The following FAAH2 variants were observed in gnomAD, a reference collection of about 807,000 sequenced individuals.
FAAH2 encodes fatty-acid amide hydrolase 2.
In FAAH2, 60 loss-of-function variants were observed where a neutral mutation model predicts 36.9. That is an observed-to-expected ratio of 1.63 (90% CI 1.32 to 2.02). FAAH2 has a LOEUF of 2.02. FAAH2 is among the 30% of genes most tolerant of loss of function. The pLI, the probability that FAAH2 is intolerant of heterozygous loss-of-function variation, is 0.00. For synonymous variants in FAAH2, 214 were observed against 143.8 expected (o/e 1.49, Z -3.49); for missense variants, 689 against 397.5 (o/e 1.73, Z -6.23).
the FAAH2 span, among the ~76,000 whole-genome samples, chrX:57,155,554 G>T: frequency 8.9e-6 from 1 of 112,099 alleles, no homozygotes; most frequent in Admixed American, 9.4e-5. Context: ...GGGGCGTGCT[G>T]GGCTGAGAAC....
chrX:57,197,439 A>G, the FAAH2 span, among the ~76,000 whole-genome samples: 1 of 111,584 alleles, frequency 9.0e-6, no homozygotes, highest in Non-Finnish European at 1.9e-5. Flanking sequence ...GGGATGTTAA[A>G]GAACTTGCTT....
At chrX:57,162,648 C>T in the FAAH2 span, among the ~76,000 whole-genome samples, 11 of 111,908 alleles carry the variant, frequency 9.8e-5, no homozygotes, top group Admixed American at 5.7e-4. Flanking sequence ...TCCAGTTGAT[C>T]GCATCGGCTC....
chrX:57,459,836 C>A (rs1003368830), intron 10 of FAAH2, among the ~76,000 whole-genome samples: 1 of 111,704 alleles, frequency 9.0e-6, no homozygotes, highest in Non-Finnish European at 1.9e-5. Flanking sequence ...AAACCCCATC[C>A]AAAGGTCACC....
intron 4 of FAAH2, among the ~76,000 whole-genome samples, chrX:57,337,060 G>T (rs918017606): frequency 9.1e-6 from 1 of 110,221 alleles, no homozygotes; most frequent in African/African-American, 3.3e-5. Flanking sequence ...ATGATAAGGG[G>T]TTATTACCAC....
At chrX:57,386,737 G>T (rs1005709219) in intron 7 of FAAH2, among the ~76,000 whole-genome samples, 9 of 111,694 alleles carry the variant, frequency 8.1e-5, no homozygotes, top group Non-Finnish European at 1.7e-4. Flanking sequence ...TGTATGAAAA[G>T]CCAATTTTCC....
At chrX:57,453,681 G>A (rs1224639109) in intron 10 of FAAH2, among the ~76,000 whole-genome samples, 1 of 112,145 alleles carries the variant, frequency 8.9e-6, no homozygotes, top group East Asian at 2.8e-4. Context: ...TTCCAGCCCA[G>A]CATTCCCACA....
chrX:57,283,048 T>A (rs1312801710), upstream of FAAH2, among the ~76,000 whole-genome samples: 1 of 112,085 alleles, frequency 8.9e-6, no homozygotes, highest in Non-Finnish European at 1.9e-5. Flanking sequence ...ACTGGTGCAA[T>A]CAGTCAAGGG....
At chrX:57,279,800 T>C in the FAAH2 span, among the ~76,000 whole-genome samples, 1 of 111,756 alleles carries the variant, frequency 8.9e-6, no homozygotes. Flanking sequence ...CATTCCTTCA[T>C]GTTAAAAGTT....
At chrX:57,326,291 G>A (rs1438037562) in intron 3 of FAAH2, among the ~76,000 whole-genome samples, 1 of 111,143 alleles carries the variant, frequency 9.0e-6, no homozygotes, top group Non-Finnish European at 1.9e-5. Flanking sequence ...AGTGCAATGT[G>A]GTGCTGAGAA....
chrX:57,439,735 G>A (rs2056505245), intron 8 of FAAH2, among the ~76,000 whole-genome samples: 1 of 111,803 alleles, frequency 8.9e-6, no homozygotes, highest in Non-Finnish European at 1.9e-5. Flanking sequence ...ATGGTTTTAG[G>A]TCTAACGTTT....
intron 1 of FAAH2, among the ~76,000 whole-genome samples, chrX:57,289,494 G>A (rs1298833132): frequency 9.0e-6 from 1 of 110,739 alleles, no homozygotes; most frequent in African/African-American, 3.3e-5. Flanking sequence ...TTGATGATCC[G>A]AAAGTCAATG....
chrX:57,377,627 G>T (rs2054719259), intron 5 of FAAH2, among the ~76,000 whole-genome samples: 1 of 111,992 alleles, frequency 8.9e-6, no homozygotes. Flanking sequence ...TTGGCTAAAT[G>T]GGCTCATTTT....
intron 7 of FAAH2, among the ~76,000 whole-genome samples, chrX:57,392,220 A>G (rs1440161914): frequency 9.0e-6 from 1 of 111,202 alleles, no homozygotes; most frequent in Non-Finnish European, 1.9e-5. Context: ...TGTAAAGTCT[A>G]GGTTTTCTAG....
At chrX:57,249,234 C>T in the FAAH2 span, among the ~76,000 whole-genome samples, 1 of 111,622 alleles carries the variant, frequency 9.0e-6, no homozygotes, top group South Asian at 3.7e-4. Context: ...AGTCAGTTTC[C>T]ACTAACCCTT....
At chrX:57,418,604 T>G (rs887977243) in intron 7 of FAAH2, among the ~76,000 whole-genome samples, 10 of 110,965 alleles carry the variant, frequency 9.0e-5, no homozygotes, top group Admixed American at 1.9e-4. Context: ...GTACCTCGGT[T>G]GGAAATGCAG....
In FAAH2 at chrX:57,438,092, T is replaced by C. The variant is rs906874083; in HGVS notation, c.1116+6055T>C. 4.8e-5 allele frequency among the ~76,000 whole-genome samples: 5 copies of C among 105,127 alleles called. No individual in the cohort carries two copies. The East Asian group carries it at 1.5e-3, about 31-fold the overall frequency. 91.3% of individuals were successfully genotyped at this position (105,127 alleles called of 115,157 possible). On this transcript the variant is annotated intron_variant, in intron 8 of 10. Coordinates refer to ENST00000374900, the MANE Select transcript of FAAH2 (RefSeq NM_174912.4). ...ATATACATACATACACGTGTATATA[T>C]GTATTGTCCAATGTATTGAATTGTG...
chrX:57,399,164 T>G (rs2055373969), intron 7 of FAAH2, among the ~76,000 whole-genome samples: 1 of 110,607 alleles, frequency 9.0e-6, no homozygotes, highest in South Asian at 3.9e-4. Context: ...AACAAGGAGG[T>G]TAAAGATACA....
chrX:57,362,052 C>T (rs929925573), intron 5 of FAAH2, among the ~76,000 whole-genome samples: 6 of 111,009 alleles, frequency 5.4e-5, no homozygotes, highest in East Asian at 2.8e-4. Flanking sequence ...TCCATCTTAC[C>T]GATTTTATGG....
intron 10 of FAAH2, among the ~76,000 whole-genome samples, chrX:57,458,741 C>G (rs950636793): frequency 1.8e-5 from 2 of 111,608 alleles, no homozygotes; most frequent in African/African-American, 6.5e-5. Flanking sequence ...GTGGGGGCCT[C>G]CGTTCCCTAG....
Sources: allele counts gnomAD v4.1 joint callset (sites outside exome capture counted in the v4.1 genomes callset), GRCh38; gene constraint gnomAD v4.1.1; transcripts MANE v1.5; gene names NCBI Gene and HGNC (gene_info 2026-07-23, HGNC 2026-07-21).